LUZP2: variants seen among roughly 807,000 people sequenced by gnomAD.
The protein encoded by LUZP2 is leucine zipper protein 2.
A neutral mutation model predicts 51.6 loss-of-function variants in LUZP2; 52 were observed. The observed-to-expected ratio is 1.01, with a 90% confidence interval of 0.81 to 1.27. The LOEUF is 1.27. Ranked by LOEUF, LUZP2 falls within the 50% of genes most tolerant of loss-of-function variation. The pLI is 0.00. For missense variants in LUZP2, 436 were observed against 395.4 expected, an observed-to-expected ratio of 1.10 and a Z score of -0.87; for synonymous variants, 154 against 137.3, an observed-to-expected ratio of 1.12 and a Z score of -0.85.
intron 5 of LUZP2, among the ~76,000 whole-genome samples, chr11:24,767,850 C>G (rs1192868318): frequency 1.3e-5 from 2 of 152,144 alleles, no homozygotes; most frequent in Admixed American, 1.3e-4. Flanking sequence ...AAAATTCAAC[C>G]TCCCTTCTCT....
At chr11:24,585,634 C>T (rs577072661) in intron 1 of LUZP2, among the ~76,000 whole-genome samples, 1 of 152,140 alleles carries the variant, frequency 6.6e-6, no homozygotes, top group East Asian at 1.9e-4. Flanking sequence ...AGAACAACAA[C>T]AACCACTTCT....
At chr11:24,918,796 T>A (rs769008744) in intron 7 of LUZP2, among the ~76,000 whole-genome samples, 1 of 148,172 alleles carries the variant, frequency 6.7e-6, no homozygotes, top group Non-Finnish European at 1.5e-5. Flanking sequence ...ATGAATTATA[T>A]CTGCCTGGTC....
At chr11:24,947,800 T>C (rs1379082120) in intron 7 of LUZP2, among the ~76,000 whole-genome samples, 2 of 151,834 alleles carry the variant, frequency 1.3e-5, no homozygotes, top group Non-Finnish European at 2.9e-5. Context: ...TGCTCTCCAT[T>C]GTTTATCATG....
intron 5 of LUZP2, among the ~76,000 whole-genome samples, chr11:24,862,965 T>A (rs1851784582): frequency 6.6e-6 from 1 of 152,158 alleles, no homozygotes; most frequent in African/African-American, 2.4e-5. Context: ...CTAATGTAAT[T>A]TTCAATAGAG....
intron 5 of LUZP2, among the ~76,000 whole-genome samples, chr11:24,888,806 G>C (rs1203642515): frequency 6.6e-6 from 1 of 152,080 alleles, no homozygotes; most frequent in Non-Finnish European, 1.5e-5. Context: ...TTGTTCTCAT[G>C]ATGGTAAGTT....
chr11:24,546,411 T>A (rs539069635), intron 1 of LUZP2, among the ~76,000 whole-genome samples: 4 of 152,152 alleles, frequency 2.6e-5, no homozygotes, highest in African/African-American at 7.2e-5. Context: ...TGAGGATGAC[T>A]GTGGGTTTGC....
intron 1 of LUZP2, among the ~76,000 whole-genome samples, chr11:24,699,855 T>G (rs1052921349): frequency 6.6e-6 from 1 of 150,850 alleles, no homozygotes; most frequent in African/African-American, 2.4e-5. Context: ...CAAAGCATAG[T>G]TGAAATGAAG....
At chr11:24,641,508 A>T (rs1170058135) in intron 1 of LUZP2, among the ~76,000 whole-genome samples, 1 of 151,930 alleles carries the variant, frequency 6.6e-6, no homozygotes, top group Non-Finnish European at 1.5e-5. Context: ...ATTACTGTTG[A>T]ACATCAAAAG....
At chr11:24,679,804 C>T (rs548360668) in intron 1 of LUZP2, among the ~76,000 whole-genome samples, 2 of 152,232 alleles carry the variant, frequency 1.3e-5, no homozygotes, top group African/African-American at 4.8e-5. Flanking sequence ...GACTTCAATC[C>T]TTAGTTCAGT....
intron 7 of LUZP2, among the ~76,000 whole-genome samples, chr11:24,951,832 T>C (rs1023173295): frequency 3.3e-5 from 5 of 151,642 alleles, no homozygotes; most frequent in Admixed American, 6.6e-5. Flanking sequence ...ACACCATCCT[T>C]GATCATAGCA....
intron 7 of LUZP2, among the ~76,000 whole-genome samples, chr11:24,967,966 G>T (rs886319276): frequency 6.6e-6 from 1 of 152,076 alleles, no homozygotes; most frequent in Admixed American, 6.6e-5. Flanking sequence ...CAGAGACTCT[G>T]TATTTTATCT....
chr11:24,756,636 T>C (rs563335333), intron 4 of LUZP2, among the ~76,000 whole-genome samples: 2 of 152,326 alleles, frequency 1.3e-5, no homozygotes, highest in African/African-American at 2.4e-5. Context: ...TGGGAAAAAC[T>C]GTCAAACCAT....
At chr11:24,783,344 C>T (rs1849146062) in intron 5 of LUZP2, among the ~76,000 whole-genome samples, 1 of 151,826 alleles carries the variant, frequency 6.6e-6, no homozygotes, top group South Asian at 2.1e-4. Flanking sequence ...TATAATTACA[C>T]TTCATTTTTT....
In LUZP2 at chr11:24,960,302, G is replaced by T. The variant is rs562803635; in HGVS notation, c.523-16289G>T. 3.0e-4 allele frequency among the ~76,000 whole-genome samples: 45 copies of T among 152,178 alleles called. No homozygotes were observed. In the East Asian group the frequency reaches 3.5e-3, roughly 12 times the overall value. ...GGAGGATTCCCTCTTTTTCTATTGA[G>T]TGGAATAGTTTCAGAAGGAATGGTA... On this transcript the variant is annotated intron_variant, in intron 7 of 11. Transcript: ENST00000336930.
At chr11:25,032,847 A>C (rs1857731554) in intron 9 of LUZP2, among the ~76,000 whole-genome samples, 1 of 152,222 alleles carries the variant, frequency 6.6e-6, no homozygotes, top group Non-Finnish European at 1.5e-5. Flanking sequence ...TGCTTATCTT[A>C]CTATATACCA....
At chr11:24,821,925 A>G (rs1850373013) in intron 5 of LUZP2, among the ~76,000 whole-genome samples, 1 of 150,620 alleles carries the variant, frequency 6.6e-6, no homozygotes. Context: ...ATAGAAAAAT[A>G]GAATATGAAT....
chr11:24,944,144 T>A (rs1024331942), intron 7 of LUZP2, among the ~76,000 whole-genome samples: 1 of 152,202 alleles, frequency 6.6e-6, no homozygotes. Flanking sequence ...ATCTTTAAAA[T>A]TTTTTGAAGC....
chr11:24,525,637 A>G (rs1260576810), intron 1 of LUZP2, among the ~76,000 whole-genome samples: 3 of 149,656 alleles, frequency 2.0e-5, no homozygotes, highest in African/African-American at 7.4e-5. Flanking sequence ...GATTTTTAAT[A>G]TACTGCTTTT....
At chr11:24,906,490 G>T (rs1017528327) in intron 6 of LUZP2, among the ~76,000 whole-genome samples, 1 of 151,928 alleles carries the variant, frequency 6.6e-6, no homozygotes, top group Non-Finnish European at 1.5e-5. Flanking sequence ...TACACTCATT[G>T]GTTCTATTTG....
Sources: allele counts gnomAD v4.1 joint callset (sites outside exome capture counted in the v4.1 genomes callset), GRCh38; gene constraint gnomAD v4.1.1; transcripts MANE v1.5; gene names NCBI Gene and HGNC (gene_info 2026-07-23, HGNC 2026-07-21).